NDE1: variants seen among roughly 807,000 people sequenced by gnomAD.
NDE1 encodes nuclear distribution protein nudE homolog 1.
Under a neutral mutation model 43.4 loss-of-function variants are expected in NDE1, and 28 were observed. The ratio of observed to expected loss-of-function variants is 0.65; its 90% CI spans 0.48 to 0.89. NDE1 has a LOEUF of 0.89. Ranked by LOEUF, NDE1 falls within the 40% of genes least tolerant of loss-of-function variation. The probability of loss-of-function intolerance (pLI) is 0.00; values close to 1 mark genes in which losing one functional copy is unlikely to be tolerated. For synonymous variants in NDE1, 184 were observed against 172.0 expected, an observed-to-expected ratio of 1.07 and a Z score of -0.55; for missense variants, 441 against 434.1, an observed-to-expected ratio of 1.02 and a Z score of -0.14.
chr16:15,717,542 C>T (rs576337468), intron 8 of NDE1: 9 of 616,512 alleles, frequency 1.5e-5, no homozygotes, highest in Admixed American at 8.7e-5. Flanking sequence ...CGCCTGTAAT[C>T]CCAGCACTTT....
chr16:15,653,802 A>G (rs1281453954), intron 1 of NDE1, among the ~76,000 whole-genome samples: 1 of 150,048 alleles, frequency 6.7e-6, no homozygotes, highest in Non-Finnish European at 1.5e-5. Flanking sequence ...ATCTCGGCTC[A>G]CTGCAACCAC....
intron 8 of NDE1, chr16:15,711,171 C>G (rs1032445138): frequency 2.0e-5 from 3 of 152,272 alleles, no homozygotes; most frequent in African/African-American, 7.2e-5. Context: ...CTGCTCTCTT[C>G]CCCTTCTCAG....
intron 8 of NDE1, chr16:15,714,790 C>T (rs1197644314): frequency 3.1e-6 from 4 of 1,284,704 alleles, no homozygotes; most frequent in African/African-American, 1.5e-5. Context: ...AGGAATAAAC[C>T]ACAGAAGGGA....
Position 15,726,181 on chromosome 16 carries a change from ACATTCATTTGT to A in NDE1, c.*1931_*1941del. The A allele has an allele frequency of 1.3e-5, 2 of 155,350 alleles. No individual in the cohort carries two copies. Among genetic ancestry groups the A allele is most frequent in the African/African-American group, 4.8e-5 (2 of 41,600 alleles). 9.6% of individuals were successfully genotyped at this position (155,350 alleles called of 1,614,324 possible). On this transcript the variant is annotated 3_prime_UTR_variant, in exon 9 of 9. Transcript: ENST00000396354. ...TGCCTTCCCTTTGCTGCATCATTTG[ACATTCATTTGT>A]GTGATTATTCATGTCTTTCCCTTCC...
At chr16:15,706,272 CTT>C (rs1446380995) in intron 8 of NDE1, among the ~76,000 whole-genome samples, 1 of 152,174 alleles carries the variant, frequency 6.6e-6, no homozygotes, top group African/African-American at 2.4e-5. Context: ...ACCCTTAAGT[CTT>C]TTTCTTTTTT....
At chr16:15,694,778 T>C (rs1046568497) in intron 7 of NDE1, 1 of 985,280 alleles carries the variant, frequency 1.0e-6, no homozygotes, top group Non-Finnish European at 1.2e-6. Context: ...CTGAACCCTA[T>C]GTATGTCTCT....
intron 8 of NDE1, chr16:15,697,115 C>T (rs2039052941): frequency 1.0e-6 from 1 of 954,232 alleles, no homozygotes; most frequent in South Asian, 4.8e-5. Context: ...ATGGCAGGAT[C>T]ATGGCTCACC....
chr16:15,645,986 C>A (rs2036322908), upstream of NDE1, among the ~76,000 whole-genome samples: 1 of 152,146 alleles, frequency 6.6e-6, no homozygotes, highest in Non-Finnish European at 1.5e-5. Context: ...ACAAGGAAAA[C>A]AAATTGAATT....
chr16:15,719,479 C>A, intron 8 of NDE1: 1 of 1,573,418 alleles, frequency 6.4e-7, no homozygotes, highest in Non-Finnish European at 8.7e-7. Flanking sequence ...ACAGGTGGAC[C>A]CCAGAGGAGG....
chr16:15,671,642 C>T (rs979473252), intron 3 of NDE1, among the ~76,000 whole-genome samples: 9 of 152,154 alleles, frequency 5.9e-5, no homozygotes, highest in African/African-American at 2.2e-4. Flanking sequence ...TTGTTAACAG[C>T]TGAACACCTG....
chr16:15,703,930 TTTTG>T lies in NDE1; in HGVS notation c.947+7082_947+7085del, dbSNP rs564766108. The T allele has an allele frequency of 5.8e-4, 919 of 1,574,162 alleles. 3 individuals carry two copies. The African/African-American group carries it at 6.3e-3, about 11-fold the overall frequency. On this transcript the variant is annotated intron_variant, in intron 8 of 8. Coordinates refer to ENST00000396354, the MANE Select transcript of NDE1 (RefSeq NM_017668.3). ...TTGTTCTGGGTTGTTGTTGGGTTTTTTTTGTTTGTTTGTTTTGGTTTTTGGTTTT... is the reference window on the plus strand; with the variant it reads ...TTGTTCTGGGTTGTTGTTGGGTTTTTTTTGTTTGTTTTGGTTTTTGGTTTT...
chr16:15,658,056 T>C (rs1009402194), intron 1 of NDE1, among the ~76,000 whole-genome samples: 23 of 152,144 alleles, frequency 1.5e-4, no homozygotes, highest in African/African-American at 5.3e-4. Context: ...CATCTAGGTG[T>C]TCAAATGATA....
intron 8 of NDE1, chr16:15,721,773 AATTT>A: frequency 1.2e-6 from 1 of 806,782 alleles, no homozygotes; most frequent in Non-Finnish European, 2.0e-6. Context: ...CTATGGGAGT[AATTT>A]ATATAATCAT....
intron 5 of NDE1, among the ~76,000 whole-genome samples, chr16:15,688,046 T>G (rs973577163): frequency 4.6e-5 from 7 of 152,062 alleles, no homozygotes; most frequent in Admixed American, 1.3e-4. Flanking sequence ...TGTGATGGCA[T>G]GTGCCTGTAG....
chr16:15,721,701 C>G (rs2040495307), intron 8 of NDE1: 3 of 1,540,358 alleles, frequency 1.9e-6, no homozygotes, highest in Non-Finnish European at 2.7e-6. Context: ...ATTGTAAATA[C>G]CGGGGGAAGC....
chr16:15,721,665 G>A (rs2040492548), intron 8 of NDE1: 1 of 1,610,612 alleles, frequency 6.2e-7, no homozygotes, highest in African/African-American at 1.3e-5. Flanking sequence ...GTGACTTCTA[G>A]GCATATCCGG....
chr16:15,659,297 T>G (rs2036924352), intron 1 of NDE1, among the ~76,000 whole-genome samples: 1 of 76,626 alleles, frequency 1.3e-5, no homozygotes, highest in Non-Finnish European at 2.3e-5. Context: ...ATTTCATGTT[T>G]TAACCAAAAC....
intron 4 of NDE1, among the ~76,000 whole-genome samples, chr16:15,682,245 G>A (rs1298625183): frequency 6.6e-6 from 1 of 152,080 alleles, no homozygotes; most frequent in African/African-American, 2.4e-5. Flanking sequence ...CTGCTGGAGT[G>A]CAGTGGCACG....
In NDE1 at chr16:15,726,016, T is replaced by C; in HGVS notation, c.*1765T>C. The stretch of plus-strand genomic sequence containing the variant: ...CTCTACTGGCTGTATGTCTCTCTCC[T>C]AATTTTTCTACTTACCACAGGGCCT... On this transcript the variant is annotated 3_prime_UTR_variant, in exon 9 of 9. Coordinates refer to ENST00000396354, the MANE Select transcript of NDE1 (RefSeq NM_017668.3). 3.8e-6 allele frequency: 1 copy of C among 263,356 alleles called. No individual in the cohort carries two copies. Among genetic ancestry groups the C allele is most frequent in the Non-Finnish European group, 7.1e-6 (1 of 140,856 alleles). 16.3% of individuals were successfully genotyped at this position (263,356 alleles called of 1,614,324 possible). A position where few individuals can be genotyped will look rare whatever the true frequency, so the allele number is the denominator to read the frequency against.
Sources: gnomAD v4.1 joint callset for allele counts (sites outside exome capture counted in the v4.1 genomes callset) on GRCh38, gnomAD v4.1.1 for gene constraint, MANE v1.5 for transcripts, NCBI Gene and HGNC (gene_info 2026-07-23, HGNC 2026-07-21) for gene names.